The following PDE3A variants were observed in gnomAD, a reference collection of about 807,000 sequenced individuals.
The protein encoded by PDE3A is phosphodiesterase 3A, also known as cGMP-inhibited 3',5'-cyclic phosphodiesterase 3A.
A neutral mutation model predicts 98.3 loss-of-function variants in PDE3A; 43 were observed. The ratio of observed to expected loss-of-function variants is 0.44; its 90% confidence interval spans 0.34 to 0.56. The LOEUF is 0.56. Ranked by LOEUF, PDE3A falls within the 20% of genes least tolerant of loss-of-function variation. PDE3A has a pLI of 0.01. For missense variants in PDE3A, 1,427 were observed against 1,440.7 expected (o/e 0.99, Z 0.15); for synonymous variants, 663 against 567.9 (o/e 1.17, Z -2.38).
intron 1 of PDE3A, among the ~76,000 whole-genome samples, chr12:20,423,884 T>TA (rs201577103): frequency 3.3e-5 from 5 of 151,810 alleles, no homozygotes; most frequent in South Asian, 2.1e-4. Flanking sequence ...AAGGTAGATT[T>TA]AAAAAAAAAT....
At chr12:20,677,898 C>T (rs919487333) in intron 15 of PDE3A, among the ~76,000 whole-genome samples, 4 of 151,154 alleles carry the variant, frequency 2.6e-5, no homozygotes, top group African/African-American at 9.9e-5. Flanking sequence ...TCTATGATTC[C>T]TTCAGTGGCT....
At chr12:20,615,816 C>T (rs1316599025) in intron 3 of PDE3A, among the ~76,000 whole-genome samples, 1 of 151,988 alleles carries the variant, frequency 6.6e-6, no homozygotes, top group Non-Finnish European at 1.5e-5. Flanking sequence ...ACCTCCGCCT[C>T]CCAGTCTCAA....
intron 1 of PDE3A, among the ~76,000 whole-genome samples, chr12:20,385,999 T>TATATATAAATATATATAAA (rs1943756082): frequency 9.6e-6 from 1 of 103,776 alleles, no homozygotes; most frequent in African/African-American, 4.3e-5. Context: ...ATATAAAATA[T>TATATATAAATATATATAAA]ATATATAAAT....
At chr12:20,380,828 A>G (rs1351581743) in intron 1 of PDE3A, among the ~76,000 whole-genome samples, 1 of 151,898 alleles carries the variant, frequency 6.6e-6, no homozygotes, top group African/African-American at 2.4e-5. Context: ...AAACTGAGAC[A>G]TTCACTATAA....
At chr12:20,526,958 C>T (rs1413975543) in intron 1 of PDE3A, among the ~76,000 whole-genome samples, 1 of 148,680 alleles carries the variant, frequency 6.7e-6, no homozygotes, top group East Asian at 2.0e-4. Context: ...CACTCTTGTC[C>T]CCCAGGCTGG....
intron 1 of PDE3A, among the ~76,000 whole-genome samples, chr12:20,508,287 A>C (rs1946153788): frequency 6.6e-6 from 1 of 151,944 alleles, no homozygotes; most frequent in African/African-American, 2.4e-5. Context: ...TTCAAATGGA[A>C]ACCCCACCCC....
chr12:20,489,854 A>G (rs529303373), intron 1 of PDE3A, among the ~76,000 whole-genome samples: 2 of 152,118 alleles, frequency 1.3e-5, no homozygotes, highest in South Asian at 4.1e-4. Flanking sequence ...TTTTTCCCAC[A>G]TGTTTGCTCA....
chr12:20,577,064 T>G (rs1446612018), intron 2 of PDE3A, among the ~76,000 whole-genome samples: 1 of 152,074 alleles, frequency 6.6e-6, no homozygotes, highest in East Asian at 1.9e-4. Context: ...GGGGAAAATA[T>G]TAAATCTTCC....
At chr12:20,390,476 G>T (rs1037467915) in intron 1 of PDE3A, among the ~76,000 whole-genome samples, 1 of 142,580 alleles carries the variant, frequency 7.0e-6, no homozygotes, top group Non-Finnish European at 1.5e-5. Flanking sequence ...AAAAAAAACT[G>T]CAGTTGGGAG....
chr12:20,617,995 A>G (rs1944045937), intron 4 of PDE3A, among the ~76,000 whole-genome samples: 1 of 152,152 alleles, frequency 6.6e-6, no homozygotes, highest in Non-Finnish European at 1.5e-5. Context: ...AATACTTACA[A>G]TAGAAATAAG....
chr12:20,602,835 A>G (rs1943623799), intron 2 of PDE3A, among the ~76,000 whole-genome samples: 1 of 152,188 alleles, frequency 6.6e-6, no homozygotes, highest in South Asian at 2.1e-4. Flanking sequence ...ACATGATTTC[A>G]TTTTTTAAAA....
chr12:20,401,157 G>A (rs920872403), intron 1 of PDE3A, among the ~76,000 whole-genome samples: 2 of 152,050 alleles, frequency 1.3e-5, no homozygotes, highest in Non-Finnish European at 2.9e-5. Context: ...CACTGTCCTA[G>A]TTTATGGCCG....
At chr12:20,581,494 A>G (rs1485227362) in intron 2 of PDE3A, among the ~76,000 whole-genome samples, 4 of 152,168 alleles carry the variant, frequency 2.6e-5, no homozygotes, top group African/African-American at 9.7e-5. Flanking sequence ...TCATGTTACA[A>G]TTTGTTGTAA....
rs1038879788 is a variant in PDE3A, at chr12:20,405,659, A to G, written c.960+35415A>G. Among the ~76,000 whole-genome samples the G allele has an allele frequency of 2.6e-5, 4 of 152,334 alleles. No individual in the cohort carries two copies. The South Asian group carries it at 6.2e-4, about 24-fold the overall frequency. On this transcript the variant is annotated intron_variant, in intron 1 of 15. Coordinates refer to ENST00000359062, the MANE Select transcript of PDE3A (RefSeq NM_000921.5). ...AATACAATGTGATGATTTGATATACATATACATTGTGAAATAATGACCACA... is the reference window on the plus strand; with the variant it reads ...AATACAATGTGATGATTTGATATACGTATACATTGTGAAATAATGACCACA...
At chr12:20,543,701 T>C (rs1941981347) in intron 1 of PDE3A, among the ~76,000 whole-genome samples, 1 of 151,994 alleles carries the variant, frequency 6.6e-6, no homozygotes, top group Non-Finnish European at 1.5e-5. Flanking sequence ...TCTAGTTTAA[T>C]AGAAAGTCAT....
intron 9 of PDE3A, among the ~76,000 whole-genome samples, chr12:20,637,537 A>G (rs186925142): frequency 1.9e-4 from 29 of 152,280 alleles, no homozygotes; most frequent in Admixed American, 1.9e-3. Flanking sequence ...AGCAAAAGAA[A>G]ATCTGACACA....
At chr12:20,467,781 A>C (rs1192529079) in intron 1 of PDE3A, among the ~76,000 whole-genome samples, 1 of 151,756 alleles carries the variant, frequency 6.6e-6, no homozygotes, top group African/African-American at 2.4e-5. Context: ...CTAAAAATAC[A>C]AAAAGTAGCT....
intron 1 of PDE3A, among the ~76,000 whole-genome samples, chr12:20,379,774 G>A (rs10743370): frequency 0.66 from 100,499 of 151,556 alleles, 33,625 homozygotes; most frequent in East Asian, 0.88. Context: ...TTCAGTTTTA[G>A]TATGGTGTTT....
intron 2 of PDE3A, among the ~76,000 whole-genome samples, chr12:20,611,932 G>A (rs918327302): frequency 2.0e-5 from 3 of 151,098 alleles, no homozygotes; most frequent in East Asian, 1.9e-4. Flanking sequence ...TATGTATCTC[G>A]GTTGTCGTTG....
Sources: allele counts gnomAD v4.1 joint callset (sites outside exome capture counted in the v4.1 genomes callset), GRCh38; gene constraint gnomAD v4.1.1; transcripts MANE v1.5; gene names NCBI Gene and HGNC (gene_info 2026-07-23, HGNC 2026-07-21).